The following PCDHA3 variants were observed in gnomAD, a reference collection of about 807,000 sequenced individuals.
PCDHA3 encodes the protein protocadherin alpha-3.
PCDHA3 carries 41 observed loss-of-function variants against 62.2 expected under a neutral mutation model. The observed-to-expected ratio is 0.66, with a 90% CI of 0.51 to 0.86. PCDHA3 has a LOEUF of 0.86. PCDHA3 is among the 40% of genes least tolerant of loss of function. The pLI, the probability that PCDHA3 is intolerant of heterozygous loss-of-function variation, is 0.00. For missense variants in PCDHA3, 1,304 were observed against 1,241.2 expected, an observed-to-expected ratio of 1.05 and a Z score of -0.76; for synonymous variants, 640 against 555.4, an observed-to-expected ratio of 1.15 and a Z score of -2.14.
intron 3 of PCDHA3, among the ~76,000 whole-genome samples, chr5:140,991,295 A>G (rs1215731555): frequency 6.6e-6 from 1 of 152,202 alleles, no homozygotes; most frequent in African/African-American, 2.4e-5. Context: ...TTAACACATT[A>G]CTATTATCTT....
At chr5:140,824,616 T>TC (rs1340347040) in intron 1 of PCDHA3, 1 of 126,878 alleles carries the variant, frequency 7.9e-6, no homozygotes, top group Non-Finnish European at 1.6e-5. Flanking sequence ...TAAAGTTTTT[T>TC]TTTTTTTTTT....
chr5:140,850,443 C>T, intron 1 of PCDHA3: 4 of 1,597,988 alleles, frequency 2.5e-6, no homozygotes, highest in Non-Finnish European at 3.4e-6. Flanking sequence ...CCTACTGGTG[C>T]TGGTGAAAGA....
At chr5:140,909,439 G>C (rs1348703640) in intron 1 of PCDHA3, among the ~76,000 whole-genome samples, 1 of 152,210 alleles carries the variant, frequency 6.6e-6, no homozygotes, top group Admixed American at 6.5e-5. Context: ...ATAATCCACT[G>C]TCATTCTCCA....
chr5:140,891,708 C>A (rs1422243783), intron 1 of PCDHA3, among the ~76,000 whole-genome samples: 1 of 152,182 alleles, frequency 6.6e-6, no homozygotes, highest in Middle Eastern at 3.4e-3. Flanking sequence ...TGAATTTGTA[C>A]CCCCAAATTC....
chr5:140,861,480 T>G, intron 1 of PCDHA3: 1 of 490,608 alleles, frequency 2.0e-6, no homozygotes, highest in Non-Finnish European at 4.2e-6. Flanking sequence ...GAATGGCATT[T>G]TTGTGAGTTC....
intron 2 of PCDHA3, among the ~76,000 whole-genome samples, chr5:140,981,395 G>A (rs928966988): frequency 5.2e-4 from 79 of 152,210 alleles, no homozygotes; most frequent in African/African-American, 1.9e-3. Context: ...TCAATATGGT[G>A]AAAACCTGTC....
At chr5:140,980,409 A>C (rs782265012) in intron 2 of PCDHA3, among the ~76,000 whole-genome samples, 3 of 152,188 alleles carry the variant, frequency 2.0e-5, no homozygotes, top group Non-Finnish European at 4.4e-5. Flanking sequence ...AGGTGGGCAG[A>C]TCATGAGGTC....
At position 140,822,813 on chromosome 5, in the gene PCDHA3, C is replaced by A. The variant is rs1360535940; in HGVS notation, c.2394+19222C>A. 8 of 1,613,942 alleles carry A rather than the reference C, an allele frequency of 5.0e-6. No individual in the cohort carries two copies. The Middle Eastern group carries it at 4.9e-4, about 99-fold the overall frequency. On this transcript the variant is annotated intron_variant, in intron 1 of 3. Transcript: ENST00000522353. ...AACTCCTGGATGTGAATGATAATAC[C>A]CCAGAGATGGCCATAACCACCCTTT...
At chr5:140,835,268 G>A in intron 1 of PCDHA3, 5 of 1,609,704 alleles carry the variant, frequency 3.1e-6, no homozygotes, top group Non-Finnish European at 4.2e-6. Flanking sequence ...AGTTCCACAT[G>A]GACCCCTTAA....
chr5:140,850,743 T>C, intron 1 of PCDHA3: 1 of 1,597,890 alleles, frequency 6.3e-7, no homozygotes, highest in Non-Finnish European at 8.6e-7. Context: ...GAGTTGGTCG[T>C]ACTCGCAGCA....
At chr5:140,890,738 A>G (rs1283898948) in intron 1 of PCDHA3, among the ~76,000 whole-genome samples, 1 of 152,200 alleles carries the variant, frequency 6.6e-6, no homozygotes. Context: ...TGACTTATAT[A>G]CTATTTCTGT....
At chr5:140,867,507 C>G (rs190699676) in intron 1 of PCDHA3, 5 of 151,968 alleles carry the variant, frequency 3.3e-5, no homozygotes, top group Non-Finnish European at 7.4e-5. Flanking sequence ...AGAACAAAAT[C>G]TCAAATTAAT....
intron 1 of PCDHA3, chr5:140,862,937 A>G: frequency 1.8e-6 from 1 of 544,138 alleles, no homozygotes; most frequent in Non-Finnish European, 3.6e-6. Flanking sequence ...CGGCGCTGTG[A>G]GTGAGCTGGT....
intron 1 of PCDHA3, chr5:140,856,664 C>T (rs782626089): frequency 6.3e-7 from 1 of 1,598,020 alleles, no homozygotes; most frequent in Non-Finnish European, 8.6e-7. Context: ...AGAAAATCCT[C>T]AGCTAAAGTT....
chr5:140,802,551 G>C lies in PCDHA3; in HGVS notation c.1354G>C (p.Ala452Pro). 1 of 1,614,220 alleles carries C rather than the reference G, an allele frequency of 6.2e-7. No homozygotes were observed. Among genetic ancestry groups the C allele is most frequent in the South Asian group, 1.1e-5 (1 of 91,086 alleles). The change falls in exon 1 of 4, where the codon GCG (alanine) becomes CCG (proline). Residue 452 changes from alanine to proline, a missense_variant. Transcript: ENST00000522353. ...SVEVADVNDN[A>P]PAFSQSEYTV... The stretch of plus-strand genomic sequence containing the variant: ...GGAGGTGGCCGACGTGAACGACAAT[G>C]CGCCGGCATTCTCGCAGTCCGAGTA...
At chr5:140,938,835 CA>C (rs2092222540) in intron 1 of PCDHA3, among the ~76,000 whole-genome samples, 1 of 152,008 alleles carries the variant, frequency 6.6e-6, no homozygotes, top group African/African-American at 2.4e-5. Flanking sequence ...TGCGTTATAA[CA>C]AACCTGCCCA....
Position 140,801,325 on chromosome 5 carries a change from C to A in PCDHA3, c.128C>A (p.Thr43Asn), listed in dbSNP as rs1554121393. ...GTCTCTGAGGAGGCCAAGCATGGCACCTTCGTGGGCCGCATCGCGCAGGAC... is the reference window on the plus strand; with the variant it reads ...GTCTCTGAGGAGGCCAAGCATGGCAACTTCGTGGGCCGCATCGCGCAGGAC... ...YSVSEEAKHG[T>N]FVGRIAQDLG... The change falls in exon 1 of 4, where the codon ACC (threonine) becomes AAC (asparagine). Residue 43 changes from threonine (T) to asparagine (N), a missense_variant. Transcript: ENST00000522353. 1 of 1,613,256 alleles carries A rather than the reference C, an allele frequency of 6.2e-7. No individual in the cohort carries two copies. The highest frequency in any genetic ancestry group is 1.7e-5 in the Admixed American group (1 of 60,022).
At chr5:140,852,867 T>A (rs2042500160) in intron 1 of PCDHA3, 1 of 952,126 alleles carries the variant, frequency 1.1e-6, no homozygotes, top group African/African-American at 1.8e-5. Context: ...TACTATGTCA[T>A]CAATAATCAT....
At chr5:140,964,118 C>G (rs1325218833) in intron 1 of PCDHA3, among the ~76,000 whole-genome samples, 1 of 151,942 alleles carries the variant, frequency 6.6e-6, no homozygotes, top group African/African-American at 2.4e-5. Flanking sequence ...CAATCACATT[C>G]TAACAACTAG....
Sources: gnomAD v4.1 joint callset for allele counts (sites outside exome capture counted in the v4.1 genomes callset) on GRCh38, gnomAD v4.1.1 for gene constraint, MANE v1.5 for transcripts, NCBI Gene and HGNC (gene_info 2026-07-23, HGNC 2026-07-21) for gene names.